RABL2A: variants seen among roughly 807,000 people sequenced by gnomAD.
RABL2A encodes the protein rab-like protein 2A.
Under a neutral mutation model 30.7 loss-of-function variants are expected in RABL2A, and 17 were observed. The observed-to-expected ratio is 0.55, with a 90% CI of 0.38 to 0.83. The LOEUF (loss-of-function observed/expected upper bound fraction) is 0.83. Among genes scored for constraint, RABL2A ranks in the 40% least tolerant of loss-of-function variants. The probability of loss-of-function intolerance (pLI) is 0.00; values close to 1 mark genes in which losing one functional copy is unlikely to be tolerated. For missense variants in RABL2A, 155 were observed against 272.6 expected, an observed-to-expected ratio of 0.57 and a Z score of 3.04; for synonymous variants, 64 against 101.8, an observed-to-expected ratio of 0.63 and a Z score of 2.24.
Position 113,640,919 on chromosome 2 carries a change from C to T in RABL2A, c.323C>T (p.Thr108Ile), listed in dbSNP as rs1308131438. Residue 108 changes from threonine (T) to isoleucine (I), a missense_variant, in exon 6 of 9, where the codon ACC (threonine) becomes ATC (isoleucine). Around this residue, in one of 5 missense-constraint regions of RABL2A, gnomAD observed 82 missense variants for 103.2 expected, o/e 0.79. Coordinates refer to ENST00000683472, the MANE Select transcript of RABL2A (RefSeq NM_001306158.2). Reference sequence around the variant, plus strand: ...GTGTTTGATATACAGAGGAAAGTCACCTATAGGAACCTGAGCACCTGGTAT... The same window carrying T: ...GTGTTTGATATACAGAGGAAAGTCATCTATAGGAACCTGAGCACCTGGTAT... ...IMVFDIQRKVTYRNLSTWYTE... is the reference protein window; with the variant it reads ...IMVFDIQRKVIYRNLSTWYTE... The T allele has an allele frequency of 1.2e-6, 2 of 1,613,832 alleles. No homozygotes were observed. The highest frequency in any genetic ancestry group is 3.3e-5 in the Admixed American group (2 of 60,006).
At chr2:113,629,493 C>G (rs939039646) in intron 2 of RABL2A, among the ~76,000 whole-genome samples, 1 of 151,954 alleles carries the variant, frequency 6.6e-6, no homozygotes, top group Non-Finnish European at 1.5e-5. Flanking sequence ...CTCTCTCTCT[C>G]TCTTCCCCAC....
chr2:113,633,070 C>T lies in RABL2A; in HGVS notation c.137+126C>T, dbSNP rs139376080. The T allele has an allele frequency of 1.2e-3, 1,694 of 1,464,350 alleles. 15 individuals are homozygous for T. The African/African-American group carries it at 0.015, about 13-fold the overall frequency. The allele number at this position is 1,464,350 out of a possible 1,614,324, so 90.7% of individuals were successfully genotyped here. A position where few individuals can be genotyped will look rare whatever the true frequency, so the allele number is the denominator to read the frequency against. On this transcript the variant is annotated intron_variant, in intron 3 of 8. Transcript: ENST00000683472. Reference sequence around the variant, plus strand: ...CAGGAAGGAGGATTGGGTAAGTGAACGCACAGGTTTTGTTCTGCACTTGTT... The same window carrying T: ...CAGGAAGGAGGATTGGGTAAGTGAATGCACAGGTTTTGTTCTGCACTTGTT...
At position 113,642,076 on chromosome 2, in the gene RABL2A, C is replaced by G. The variant is rs748515127; in HGVS notation, c.637C>G (p.Gln213Glu). ...QEEEDVPDQE[Q>E]SSSIETPSEE... Reference sequence around the variant, plus strand: ...AGAGGAGGACGTGCCAGACCAGGAACAGAGCAGCAGCATCGAGACCCCATC... The same window carrying G: ...AGAGGAGGACGTGCCAGACCAGGAAGAGAGCAGCAGCATCGAGACCCCATC... Residue 213 changes from glutamine to glutamate, a missense_variant, in exon 9 of 9, where the codon CAG becomes GAG. Transcript: ENST00000683472. 6.2e-7 allele frequency: 1 copy of G among 1,613,432 alleles called. No homozygotes were observed. The highest frequency in any genetic ancestry group is 1.1e-5 in the South Asian group (1 of 91,058).
Position 113,632,976 on chromosome 2 carries a change from C to A in RABL2A, c.137+32C>A, listed in dbSNP as rs757120263. The A allele has an allele frequency of 1.6e-5, 26 of 1,614,170 alleles. No homozygotes were observed. In the South Asian group the frequency reaches 2.9e-4, roughly 18 times the overall value. On this transcript the variant is annotated intron_variant, in intron 3 of 8. Coordinates refer to ENST00000683472, the MANE Select transcript of RABL2A (RefSeq NM_001306158.2). ...TTCAAGGTTTGAAGTACTCCTTGTT[C>A]CTGTGGGTCTTCCCACGCTCATGTA...
intron 5 of RABL2A, chr2:113,638,080 A>G: frequency 1.0e-6 from 1 of 985,442 alleles, no homozygotes; most frequent in African/African-American, 1.7e-5. Context: ...TCTCAAAACA[A>G]GGAACAGATG....
intron 6 of RABL2A, 161 bp from the exon 7 acceptor site, chr2:113,641,192 T>G: frequency 2.5e-6 from 3 of 1,216,112 alleles, no homozygotes; most frequent in Non-Finnish European, 2.3e-6. Flanking sequence ...CGACCTGCCC[T>G]CTTTCCAAGA....
At chr2:113,635,349 G>A (rs1682167690) in intron 5 of RABL2A, 2 of 579,630 alleles carry the variant, frequency 3.5e-6, no homozygotes, top group Admixed American at 3.0e-5. Context: ...GAGAAAAGGT[G>A]GAACAGCAAG....
chr2:113,639,372 A>G (rs1684224730), intron 5 of RABL2A, among the ~76,000 whole-genome samples: 1 of 152,248 alleles, frequency 6.6e-6, no homozygotes, highest in South Asian at 2.1e-4. Context: ...CTGTAATCCC[A>G]GTACTTTGGG....
At chr2:113,635,496 G>C in intron 5 of RABL2A, 1 of 368,508 alleles carries the variant, frequency 2.7e-6, no homozygotes, top group South Asian at 2.2e-5. Context: ...CTTTCCCTAG[G>C]GGGCACATGC....
chr2:113,635,586 G>A, intron 5 of RABL2A: 2 of 271,234 alleles, frequency 7.4e-6, no homozygotes, highest in Non-Finnish European at 7.3e-6. Context: ...GCCTCCCATT[G>A]TGTTGCCCGG....
Position 113,630,707 on chromosome 2 carries a change from A to G in RABL2A, c.107+1994A>G, listed in dbSNP as rs1350481918. Reference sequence around the variant, plus strand: ...AGGGCTCTGTTGGTGGGCTCTGATGACAGCTCCCCTACCCCCTGTGAACAG... The same window carrying G: ...AGGGCTCTGTTGGTGGGCTCTGATGGCAGCTCCCCTACCCCCTGTGAACAG... On this transcript the variant is annotated intron_variant, in intron 2 of 8. Transcript: ENST00000683472. 5.3e-5 allele frequency among the ~76,000 whole-genome samples: 8 copies of G among 150,124 alleles called. No homozygotes were observed. The East Asian group carries it at 9.8e-4, about 18-fold the overall frequency.
At position 113,637,842 on chromosome 2, in the gene RABL2A, C is replaced by T. The variant is rs1261973937; in HGVS notation, c.297+2712C>T. 13 of 1,276,822 alleles carry T rather than the reference C, an allele frequency of 1.0e-5. 1 individual carries two copies. The African/African-American group carries it at 1.8e-4, about 18-fold the overall frequency. The allele number at this position is 1,276,822 out of a possible 1,614,324, so 79.1% of individuals were successfully genotyped here. A position where few individuals can be genotyped will look rare whatever the true frequency, so the allele number is the denominator to read the frequency against. On this transcript the variant is annotated intron_variant, in intron 5 of 8. Coordinates refer to ENST00000683472, the MANE Select transcript of RABL2A (RefSeq NM_001306158.2). ...TGCATCTGCTGCATCTCCGTGGGCT[C>T]CCCTCAGACCCTCTTCTGAAGGCCT...
intron 2 of RABL2A, among the ~76,000 whole-genome samples, chr2:113,630,330 C>G (rs1964835): frequency 1.3e-5 from 2 of 152,012 alleles, no homozygotes; most frequent in African/African-American, 4.8e-5. Flanking sequence ...GACTCAAGAA[C>G]TACTGCCAAT....
intron 5 of RABL2A, chr2:113,637,558 A>G: frequency 8.3e-7 from 1 of 1,204,356 alleles, no homozygotes; most frequent in Non-Finnish European, 1.1e-6. Flanking sequence ...CAGATGGTAA[A>G]GGAAGGAACT....
intron 2 of RABL2A, 62 bp from the exon 3 acceptor site, chr2:113,632,853 A>G: frequency 6.2e-7 from 1 of 1,614,072 alleles, no homozygotes; most frequent in Non-Finnish European, 8.5e-7. Flanking sequence ...TTAGGGTGAA[A>G]AAGTCTGGGA....
intron 3 of RABL2A, 89 bp from the exon 4 acceptor site, chr2:113,634,064 A>G: frequency 1.4e-6 from 2 of 1,473,680 alleles, no homozygotes; most frequent in Non-Finnish European, 1.9e-6. Context: ...GAGGAGGGAG[A>G]GGATCCATTT....
intron 5 of RABL2A, chr2:113,637,416 G>A (rs1233170847): frequency 1.7e-5 from 18 of 1,076,572 alleles, no homozygotes; most frequent in Non-Finnish European, 1.9e-5. Flanking sequence ...TGTCTGTGAT[G>A]CACGTGTGCA....
At chr2:113,638,331 T>C (rs1332538082) in intron 5 of RABL2A, 7 of 985,302 alleles carry the variant, frequency 7.1e-6, no homozygotes, top group African/African-American at 3.5e-5. Context: ...GCTTGAACCA[T>C]GTTGCTTGCA....
In RABL2A at chr2:113,637,371, G is replaced by A. The variant is rs1184989203; in HGVS notation, c.297+2241G>A. The A allele has an allele frequency of 3.0e-6, 3 of 1,015,616 alleles. No individual in the cohort carries two copies. In the East Asian group the frequency reaches 2.6e-4, roughly 87 times the overall value. The allele number at this position is 1,015,616 out of a possible 1,614,324, so 62.9% of individuals were successfully genotyped here. ...TCATTAGCTTAGCTCTTCCGTGTGT[G>A]CTCCTGCACCACTGATCCCTTCCAC... On this transcript the variant is annotated intron_variant, in intron 5 of 8. Coordinates refer to ENST00000683472, the MANE Select transcript of RABL2A (RefSeq NM_001306158.2).
Sources: gnomAD v4.1 joint callset for allele counts (sites outside exome capture counted in the v4.1 genomes callset) on GRCh38, gnomAD v4.1.1 for gene constraint, gnomAD v4.1.1 regional missense constraint, MANE v1.5 for transcripts, NCBI Gene and HGNC (gene_info 2026-07-23, HGNC 2026-07-21) for gene names.